GALNTL6: variants seen among roughly 807,000 people sequenced by gnomAD.
GALNTL6 encodes polypeptide N-acetylgalactosaminyltransferase like 6.
A neutral mutation model predicts 73.7 loss-of-function variants in GALNTL6; 46 were observed. That is an observed-to-expected ratio of 0.62 (90% CI 0.49 to 0.80). GALNTL6 has a LOEUF of 0.80. Ranked by LOEUF, GALNTL6 falls within the 30% of genes least tolerant of loss-of-function variation. The pLI is 0.00. For synonymous variants in GALNTL6, 259 were observed against 263.7 expected (o/e 0.98, Z 0.17); for missense variants, 604 against 755.0 (o/e 0.80, Z 2.34).
intron 7 of GALNTL6, among the ~76,000 whole-genome samples, chr4:172,824,158 A>C (rs950949586): frequency 6.6e-6 from 1 of 152,206 alleles, no homozygotes. Flanking sequence ...GAAGAAAACT[A>C]AGCCTTACAT....
chr4:172,077,961 C>T (rs1731754635), intron 2 of GALNTL6, among the ~76,000 whole-genome samples: 1 of 152,128 alleles, frequency 6.6e-6, no homozygotes, highest in Non-Finnish European at 1.5e-5. Flanking sequence ...GCTCCCATGA[C>T]TAAAAGGGAC....
At chr4:172,626,419 A>C (rs1477606015) in intron 5 of GALNTL6, among the ~76,000 whole-genome samples, 5 of 152,054 alleles carry the variant, frequency 3.3e-5, no homozygotes, top group Non-Finnish European at 7.4e-5. Flanking sequence ...GTAGCCTTAT[A>C]GTATACTTGG....
At chr4:172,486,541 T>C (rs943589302) in intron 5 of GALNTL6, among the ~76,000 whole-genome samples, 1 of 152,244 alleles carries the variant, frequency 6.6e-6, no homozygotes, top group Non-Finnish European at 1.5e-5. Flanking sequence ...GAAATGTTCA[T>C]AAATGCCAGT....
chr4:171,978,976 T>C (rs540288733), intron 2 of GALNTL6, among the ~76,000 whole-genome samples: 1 of 152,312 alleles, frequency 6.6e-6, no homozygotes, highest in African/African-American at 2.4e-5. Context: ...AGATGGCATG[T>C]TATTATACAA....
At chr4:172,377,909 C>G (rs528210769) in intron 5 of GALNTL6, among the ~76,000 whole-genome samples, 63 of 152,108 alleles carry the variant, frequency 4.1e-4, no homozygotes, top group Non-Finnish European at 6.8e-4. Context: ...GATCCCCCCC[C>G]CCATGCCTCT....
At chr4:172,968,825 CA>C (rs1487902972) in intron 10 of GALNTL6, among the ~76,000 whole-genome samples, 2 of 152,126 alleles carry the variant, frequency 1.3e-5, no homozygotes, top group Non-Finnish European at 2.9e-5. Flanking sequence ...GAGAGCCCTA[CA>C]CAAGAATCTT....
chr4:172,054,549 G>A lies in GALNTL6; in HGVS notation c.139-175107G>A, dbSNP rs558630183. Among the ~76,000 whole-genome samples, 14 of 152,210 alleles carry A rather than the reference G, an allele frequency of 9.2e-5. No homozygotes were observed. The South Asian group carries it at 2.7e-3, about 29-fold the overall frequency. On this transcript the variant is annotated intron_variant, in intron 2 of 12. Transcript: ENST00000506823. ...CCCACTTCCTAGTTCATAGACCAGAGATTTTCTGATTGTATTTTCACATGT... is the reference window on the plus strand; with the variant it reads ...CCCACTTCCTAGTTCATAGACCAGAAATTTTCTGATTGTATTTTCACATGT...
chr4:172,499,630 C>T (rs1421361464), intron 5 of GALNTL6, among the ~76,000 whole-genome samples: 1 of 152,104 alleles, frequency 6.6e-6, no homozygotes, highest in South Asian at 2.1e-4. Flanking sequence ...TCAACAGAAG[C>T]TAATAATCAG....
intron 2 of GALNTL6, among the ~76,000 whole-genome samples, chr4:171,944,439 A>G (rs1287169631): frequency 6.6e-6 from 1 of 152,028 alleles, no homozygotes; most frequent in Non-Finnish European, 1.5e-5. Context: ...CTTAGTTGAC[A>G]CCCATCTAAA....
chr4:172,002,486 A>G (rs536432307), intron 2 of GALNTL6, among the ~76,000 whole-genome samples: 1 of 152,304 alleles, frequency 6.6e-6, no homozygotes, highest in African/African-American at 2.4e-5. Context: ...CCTGTTGTTT[A>G]TAAGCCACAA....
At chr4:172,491,606 ACAAAACTCATAAG>A (rs1051258875) in intron 5 of GALNTL6, among the ~76,000 whole-genome samples, 3 of 152,138 alleles carry the variant, frequency 2.0e-5, no homozygotes, top group Non-Finnish European at 4.4e-5. Flanking sequence ...TGCTCTCTAG[ACAAAACTCATAAG>A]CAATGCATTC....
rs539575807 is a variant in GALNTL6, at chr4:172,452,207, A to G, written c.553+103518A>G. Among the ~76,000 whole-genome samples, 247 of 152,246 alleles carry G rather than the reference A, an allele frequency of 1.6e-3. 1 individual carries two copies. Among genetic ancestry groups the G allele is most frequent in the African/African-American group, 5.7e-3 (237 of 41,548 alleles). On this transcript the variant is annotated intron_variant, in intron 5 of 12. Transcript: ENST00000506823. ...CTATAGCAACTACACTAAACAGACC[A>G]TGGGATGGAGTGTTGAAAAGTCTTT... is the stretch of plus-strand genomic sequence containing the variant.
intron 3 of GALNTL6, among the ~76,000 whole-genome samples, chr4:172,242,084 C>T (rs763907759): frequency 6.6e-6 from 1 of 152,006 alleles, no homozygotes; most frequent in Non-Finnish European, 1.5e-5. Context: ...ATCTAGTCGA[C>T]ATTTCTCCAC....
At chr4:172,140,138 A>G (rs1245541674) in intron 2 of GALNTL6, among the ~76,000 whole-genome samples, 1 of 152,058 alleles carries the variant, frequency 6.6e-6, no homozygotes, top group Non-Finnish European at 1.5e-5. Context: ...AATTTGTTGT[A>G]TCACAACTGA....
intron 5 of GALNTL6, among the ~76,000 whole-genome samples, chr4:172,426,196 C>T (rs1245192148): frequency 6.6e-6 from 1 of 152,068 alleles, no homozygotes; most frequent in African/African-American, 2.4e-5. Flanking sequence ...GTCTCTATAT[C>T]AGTATCTTGT....
At chr4:172,039,520 T>C (rs551093916) in intron 2 of GALNTL6, among the ~76,000 whole-genome samples, 1 of 152,294 alleles carries the variant, frequency 6.6e-6, no homozygotes, top group South Asian at 2.1e-4. Context: ...CCCACCATTA[T>C]GTAGCTTCTC....
In GALNTL6 at chr4:172,893,040, C is replaced by T. The variant is rs377128567; in HGVS notation, c.1041+10133C>T. Reference sequence around the variant, plus strand: ...AATACCATACATGTGGCACCCACGGCCTGCTGTTCTTATCCCAGCAGATGG... The same window carrying T: ...AATACCATACATGTGGCACCCACGGTCTGCTGTTCTTATCCCAGCAGATGG... On this transcript the variant is annotated intron_variant, in intron 8 of 12. Transcript: ENST00000506823. Among the ~76,000 whole-genome samples the T allele has an allele frequency of 1.2e-4, 19 of 152,284 alleles. No individual in the cohort carries two copies. The South Asian group carries it at 3.3e-3, about 27-fold the overall frequency.
intron 5 of GALNTL6, among the ~76,000 whole-genome samples, chr4:172,378,493 C>T (rs1743135721): frequency 6.6e-6 from 1 of 152,020 alleles, no homozygotes; most frequent in Non-Finnish European, 1.5e-5. Context: ...CTTAAAAATA[C>T]AGGAAACTAA....
intron 3 of GALNTL6, among the ~76,000 whole-genome samples, chr4:172,241,156 G>A (rs1737422629): frequency 6.6e-6 from 1 of 152,166 alleles, no homozygotes; most frequent in South Asian, 2.1e-4. Context: ...AGTAGATGGT[G>A]CTTAAGTGTA....
Sources: gnomAD v4.1 joint callset for allele counts (sites outside exome capture counted in the v4.1 genomes callset) on GRCh38, gnomAD v4.1.1 for gene constraint, MANE v1.5 for transcripts, NCBI Gene and HGNC (gene_info 2026-07-23, HGNC 2026-07-21) for gene names.